The following XRCC4 variants were observed in gnomAD, a reference collection of about 807,000 sequenced individuals.
XRCC4 encodes DNA repair protein XRCC4.
Under a neutral mutation model 39.1 loss-of-function variants are expected in XRCC4, and 28 were observed. The ratio of observed to expected loss-of-function variants is 0.72; its 90% CI spans 0.53 to 0.98. XRCC4 has a LOEUF of 0.98. Among genes scored for constraint, XRCC4 ranks in the 50% least tolerant of loss-of-function variants. The pLI, the probability that XRCC4 is intolerant of heterozygous loss-of-function variation, is 0.00. For synonymous variants in XRCC4, 123 were observed against 126.4 expected (o/e 0.97, Z 0.18); for missense variants, 350 against 376.4 (o/e 0.93, Z 0.58).
At chr5:83,222,214 A>G (rs1262815685) in intron 6 of XRCC4, among the ~76,000 whole-genome samples, 2 of 151,892 alleles carry the variant, frequency 1.3e-5, no homozygotes, top group African/African-American at 4.8e-5. Context: ...CTAAGATTCT[A>G]TTTGTTCTTT....
intron 7 of XRCC4, among the ~76,000 whole-genome samples, chr5:83,309,681 G>A (rs1335361830): frequency 2.0e-5 from 3 of 148,686 alleles, no homozygotes; most frequent in Admixed American, 6.7e-5. Context: ...GGAGAATGGC[G>A]TGAACCCGGG....
At chr5:83,236,705 G>T (rs1346165006) in intron 6 of XRCC4, among the ~76,000 whole-genome samples, 1 of 151,740 alleles carries the variant, frequency 6.6e-6, no homozygotes, top group Non-Finnish European at 1.5e-5. Context: ...CAGTAAAAAT[G>T]GACAAATGGG....
chr5:83,307,508 T>G (rs1489214028), intron 7 of XRCC4, among the ~76,000 whole-genome samples: 1 of 152,206 alleles, frequency 6.6e-6, no homozygotes, highest in African/African-American at 2.4e-5. Flanking sequence ...GAATGCTTTT[T>G]AATTGAAAGT....
intron 7 of XRCC4, among the ~76,000 whole-genome samples, chr5:83,272,163 GT>G (rs994527207): frequency 3.9e-5 from 6 of 152,110 alleles, no homozygotes; most frequent in Non-Finnish European, 5.9e-5. Flanking sequence ...ATACTCCGGA[GT>G]TTTTCTTCTG....
chr5:83,367,484 T>C, the XRCC4 span, among the ~76,000 whole-genome samples: 1 of 152,212 alleles, frequency 6.6e-6, no homozygotes, highest in African/African-American at 2.4e-5. Context: ...GCTCAGACCT[T>C]AGGCCTCTGC....
chr5:83,302,164 C>T (rs1030029687), intron 7 of XRCC4, among the ~76,000 whole-genome samples: 1 of 151,972 alleles, frequency 6.6e-6, no homozygotes, highest in Non-Finnish European at 1.5e-5. Context: ...GTGGGATCCG[C>T]TGAGCAAGGC....
chr5:83,113,439 C>A (rs992612258), intron 3 of XRCC4, among the ~76,000 whole-genome samples: 4 of 152,114 alleles, frequency 2.6e-5, no homozygotes, highest in Non-Finnish European at 5.9e-5. Context: ...GTCGGTGGAT[C>A]TACCATTCTG....
intron 7 of XRCC4, among the ~76,000 whole-genome samples, chr5:83,329,218 C>T (rs1756360887): frequency 1.3e-5 from 2 of 152,156 alleles, no homozygotes; most frequent in East Asian, 1.9e-4. Flanking sequence ...ATATTTTTAA[C>T]GTCTTAAGAG....
chr5:83,104,879 T>TA, intron 1 of XRCC4, 31 bp from the exon 2 acceptor site: 3 of 1,596,732 alleles, frequency 1.9e-6, no homozygotes, highest in Non-Finnish European at 2.6e-6. Flanking sequence ...CAGTTTCTTT[T>TA]AAAAATATTA....
chr5:83,102,535 G>A (rs1423419483), intron 1 of XRCC4, among the ~76,000 whole-genome samples: 2 of 152,132 alleles, frequency 1.3e-5, no homozygotes, highest in Non-Finnish European at 2.9e-5. Flanking sequence ...GGGCATAGGA[G>A]ATCAGAGTTG....
chr5:83,246,864 A>G (rs1254911401), intron 6 of XRCC4, among the ~76,000 whole-genome samples: 1 of 152,218 alleles, frequency 6.6e-6, no homozygotes, highest in African/African-American at 2.4e-5. Flanking sequence ...AGATAACTTT[A>G]TGAGGCGTAC....
chr5:83,207,770 T>G (rs1274995441), intron 6 of XRCC4, among the ~76,000 whole-genome samples: 1 of 152,046 alleles, frequency 6.6e-6, no homozygotes, highest in African/African-American at 2.4e-5. Flanking sequence ...CCATGAGAGA[T>G]AATTCTGTTG....
intron 7 of XRCC4, among the ~76,000 whole-genome samples, chr5:83,270,408 C>CAT (rs1236006779): frequency 1.3e-5 from 2 of 152,114 alleles, no homozygotes; most frequent in Non-Finnish European, 2.9e-5. Context: ...TCTCATACTT[C>CAT]ATGCTTCTAA....
At chr5:83,345,562 C>A (rs1369460741) in intron 7 of XRCC4, among the ~76,000 whole-genome samples, 2 of 152,164 alleles carry the variant, frequency 1.3e-5, no homozygotes, top group South Asian at 2.1e-4. Flanking sequence ...CCATCAATCA[C>A]TATTCATTTT....
chr5:83,199,538 C>T (rs1751089540), intron 4 of XRCC4, among the ~76,000 whole-genome samples: 1 of 152,044 alleles, frequency 6.6e-6, no homozygotes, highest in South Asian at 2.1e-4. Context: ...AGGATTACTG[C>T]ACTGTGTCTA....
chr5:83,203,542 A>G lies in XRCC4; in HGVS notation c.483-10A>G. ...GCATGACTAATTTGTTTACTTATTT[A>G]CTTTTTTAGATTTGAAAAATGTGTG... On this transcript the variant is annotated splice_polypyrimidine_tract_variant and intron_variant, in intron 4 of 7. Coordinates refer to ENST00000396027, the MANE Select transcript of XRCC4 (RefSeq NM_003401.5). 2 of 1,575,244 alleles carry G rather than the reference A, an allele frequency of 1.3e-6. No homozygotes were observed. Among genetic ancestry groups the G allele is most frequent in the Non-Finnish European group, 1.7e-6 (2 of 1,166,654 alleles).
chr5:83,125,460 A>G (rs1747212791), intron 3 of XRCC4, among the ~76,000 whole-genome samples: 2 of 152,176 alleles, frequency 1.3e-5, no homozygotes, highest in Admixed American at 1.3e-4. Context: ...CTTTTTGTAT[A>G]AAGTATGAGG....
intron 7 of XRCC4, among the ~76,000 whole-genome samples, chr5:83,315,241 G>C (rs1332641677): frequency 1.3e-5 from 2 of 152,094 alleles, no homozygotes; most frequent in African/African-American, 4.8e-5. Flanking sequence ...CATCAATTCT[G>C]TGAAGGCTGA....
At chr5:83,158,297 C>T (rs1229094124) in intron 3 of XRCC4, among the ~76,000 whole-genome samples, 1 of 151,988 alleles carries the variant, frequency 6.6e-6, no homozygotes, top group Non-Finnish European at 1.5e-5. Context: ...AAAAGGAATT[C>T]TTGTTTTCTT....
Sources: allele counts gnomAD v4.1 joint callset (sites outside exome capture counted in the v4.1 genomes callset), GRCh38; gene constraint gnomAD v4.1.1; transcripts MANE v1.5; gene names NCBI Gene and HGNC (gene_info 2026-07-23, HGNC 2026-07-21).